The following SPAG16 variants were observed in gnomAD, a reference collection of about 807,000 sequenced individuals.
The protein encoded by SPAG16 is sperm-associated antigen 16 protein.
SPAG16 carries 86 observed loss-of-function variants against 80.4 expected under a neutral mutation model. The observed-to-expected ratio is 1.07, with a 90% CI of 0.90 to 1.28. The LOEUF is 1.28. SPAG16 is among the 50% of genes most tolerant of loss of function. SPAG16 has a pLI of 0.00. For synonymous variants in SPAG16, 294 were observed against 265.9 expected, an observed-to-expected ratio of 1.11 and a Z score of -1.03; for missense variants, 870 against 765.3, an observed-to-expected ratio of 1.14 and a Z score of -1.61.
chr2:214,018,679 C>G (rs1055209391), intron 13 of SPAG16, among the ~76,000 whole-genome samples: 9 of 152,046 alleles, frequency 5.9e-5, no homozygotes, highest in Non-Finnish European at 1.3e-4. Flanking sequence ...TAATGACTTT[C>G]TTCTATTAGT....
At chr2:213,560,545 TGAAA>T in intron 10 of SPAG16, among the ~76,000 whole-genome samples, 1 of 152,268 alleles carries the variant, frequency 6.6e-6, no homozygotes, top group South Asian at 2.1e-4. Flanking sequence ...AAATGAATAA[TGAAA>T]GATTCTCTAA....
chr2:214,400,106 G>A (rs1475821889), intron 15 of SPAG16, among the ~76,000 whole-genome samples: 1 of 152,048 alleles, frequency 6.6e-6, no homozygotes, highest in Admixed American at 6.6e-5. Flanking sequence ...AGCCCATGTA[G>A]GAAAGCACCT....
intron 12 of SPAG16, among the ~76,000 whole-genome samples, chr2:213,958,164 G>C (rs536948335): frequency 9.2e-5 from 14 of 152,308 alleles, no homozygotes; most frequent in African/African-American, 3.1e-4. Context: ...TTGGGGTCCA[G>C]AGTGTGACCC....
At chr2:214,129,731 G>A (rs1221788977) in intron 14 of SPAG16, among the ~76,000 whole-genome samples, 2 of 151,976 alleles carry the variant, frequency 1.3e-5, no homozygotes, top group African/African-American at 4.8e-5. Context: ...TCTATTCCAT[G>A]GAATACTTTG....
At chr2:213,853,919 G>A (rs562299648) in intron 10 of SPAG16, among the ~76,000 whole-genome samples, 7 of 152,214 alleles carry the variant, frequency 4.6e-5, no homozygotes, top group East Asian at 1.9e-4. Flanking sequence ...CTTCAGCTCC[G>A]CATGCCCAGG....
chr2:214,110,261 G>A (rs981492477), intron 14 of SPAG16, among the ~76,000 whole-genome samples: 1 of 151,914 alleles, frequency 6.6e-6, no homozygotes, highest in African/African-American at 2.4e-5. Flanking sequence ...TTTACATTAG[G>A]TACTTCTCCT....
At chr2:214,404,378 A>C (rs1190476737) in intron 15 of SPAG16, among the ~76,000 whole-genome samples, 1 of 152,206 alleles carries the variant, frequency 6.6e-6, no homozygotes, top group African/African-American at 2.4e-5. Context: ...GGTTGGATCT[A>C]AAACAAAACA....
intron 15 of SPAG16, among the ~76,000 whole-genome samples, chr2:214,361,069 G>T (rs1254407654): frequency 6.6e-6 from 1 of 151,706 alleles, no homozygotes; most frequent in African/African-American, 2.4e-5. Flanking sequence ...TGTGGAGAAG[G>T]GATTCACAAC....
intron 10 of SPAG16, among the ~76,000 whole-genome samples, chr2:213,707,905 A>G (rs2125349426): frequency 6.6e-6 from 1 of 152,284 alleles, no homozygotes. Flanking sequence ...ATCTGGAGAT[A>G]TAGATCCTAT....
intron 12 of SPAG16, among the ~76,000 whole-genome samples, chr2:214,003,162 A>G (rs765466913): frequency 5.3e-5 from 8 of 152,232 alleles, no homozygotes; most frequent in Non-Finnish European, 1.0e-4. Flanking sequence ...AGTCAACTGC[A>G]GTGTACCACT....
intron 10 of SPAG16, among the ~76,000 whole-genome samples, chr2:213,826,060 C>G (rs1481046060): frequency 6.6e-6 from 1 of 151,658 alleles, no homozygotes; most frequent in Non-Finnish European, 1.5e-5. Context: ...TTCATAGTAT[C>G]CTGTAATAAT....
chr2:213,356,042 C>T lies in SPAG16; in HGVS notation c.762+5397C>T, dbSNP rs190394197. Among the ~76,000 whole-genome samples, 21 of 152,198 alleles carry T rather than the reference C, an allele frequency of 1.4e-4. No individual in the cohort carries two copies. The East Asian group carries it at 2.7e-3, about 20-fold the overall frequency. ...AGCTCTTATTATTTTGAGGTATTTT[C>T]GATCAATACCTAGTTTATTGAGAGA... On this transcript the variant is annotated intron_variant, in intron 7 of 15. Transcript: ENST00000331683.
chr2:214,167,001 T>C (rs2056682192), intron 15 of SPAG16, among the ~76,000 whole-genome samples: 1 of 151,932 alleles, frequency 6.6e-6, no homozygotes, highest in Non-Finnish European at 1.5e-5. Flanking sequence ...CCCAAATGAG[T>C]TAGAAAGAGA....
At chr2:213,497,907 C>T (rs2074568179) in intron 10 of SPAG16, among the ~76,000 whole-genome samples, 1 of 152,012 alleles carries the variant, frequency 6.6e-6, no homozygotes, top group Admixed American at 6.6e-5. Context: ...ATATAGAAAG[C>T]ATCTCTCACT....
chr2:213,982,095 A>T (rs2045778303), intron 12 of SPAG16, among the ~76,000 whole-genome samples: 1 of 150,410 alleles, frequency 6.6e-6, no homozygotes, highest in East Asian at 1.9e-4. Flanking sequence ...GAAATATAAA[A>T]TGATGTTGTT....
intron 6 of SPAG16, among the ~76,000 whole-genome samples, chr2:213,343,981 A>T (rs970978209): frequency 2.0e-5 from 3 of 152,158 alleles, no homozygotes; most frequent in Admixed American, 6.6e-5. Context: ...ATACAAATTC[A>T]AATTATTTAC....
intron 13 of SPAG16, among the ~76,000 whole-genome samples, chr2:214,039,163 T>G (rs1294064515): frequency 6.6e-6 from 1 of 152,166 alleles, no homozygotes; most frequent in Non-Finnish European, 1.5e-5. Context: ...CCACCAACAG[T>G]GTAAAAGTGT....
chr2:213,919,178 G>A (rs1436102124), intron 11 of SPAG16, among the ~76,000 whole-genome samples: 2 of 151,654 alleles, frequency 1.3e-5, no homozygotes, highest in Non-Finnish European at 2.9e-5. Context: ...TCTTTTGTGA[G>A]TTTTGGGGTC....
intron 10 of SPAG16, among the ~76,000 whole-genome samples, chr2:213,596,595 A>G (rs528001995): frequency 6.6e-5 from 10 of 152,298 alleles, no homozygotes; most frequent in South Asian, 4.1e-4. Flanking sequence ...TCGTACTTTT[A>G]GATACTTTAT....
Sources: allele counts gnomAD v4.1 joint callset (sites outside exome capture counted in the v4.1 genomes callset), GRCh38; gene constraint gnomAD v4.1.1; transcripts MANE v1.5; gene names NCBI Gene and HGNC (gene_info 2026-07-23, HGNC 2026-07-21).